The following CMIP variants were observed in gnomAD, a reference collection of about 807,000 sequenced individuals.
CMIP encodes the protein C-Maf-inducing protein.
CMIP carries 13 observed loss-of-function variants against 97.3 expected under a neutral mutation model. That is an observed-to-expected ratio of 0.13 (90% CI 0.09 to 0.21). CMIP has a LOEUF of 0.21. CMIP is among the 10% of genes least tolerant of loss of function. CMIP has a pLI of 1.00. For synonymous variants in CMIP, 538 were observed against 436.3 expected (o/e 1.23, Z -2.91); for missense variants, 847 against 1,024.9 (o/e 0.83, Z 2.37).
At chr16:81,498,144 G>T (rs773770801) in intron 1 of CMIP, among the ~76,000 whole-genome samples, 17 of 152,234 alleles carry the variant, frequency 1.1e-4, no homozygotes, top group Non-Finnish European at 1.8e-4. Flanking sequence ...CTAGCAGTGG[G>T]CCTCTGGGCA....
intron 1 of CMIP, among the ~76,000 whole-genome samples, chr16:81,528,506 A>G (rs928365466): frequency 6.6e-6 from 1 of 152,180 alleles, no homozygotes; most frequent in Non-Finnish European, 1.5e-5. Flanking sequence ...GCCTGGTAGA[A>G]GTTCTTACAC....
intron 3 of CMIP, among the ~76,000 whole-genome samples, chr16:81,640,092 G>T (rs1244705828): frequency 6.6e-6 from 1 of 152,298 alleles, no homozygotes; most frequent in South Asian, 2.1e-4. Flanking sequence ...TCTCCTGGAA[G>T]TTCCTCCTGT....
chr16:81,563,391 G>A (rs997533413), intron 1 of CMIP, among the ~76,000 whole-genome samples: 2 of 152,158 alleles, frequency 1.3e-5, no homozygotes, highest in African/African-American at 2.4e-5. Context: ...GCGCTGCTGC[G>A]GTTTCCTTCC....
chr16:81,673,997 G>A (rs1016468258), intron 9 of CMIP, among the ~76,000 whole-genome samples: 2 of 152,214 alleles, frequency 1.3e-5, no homozygotes, highest in Admixed American at 1.3e-4. Flanking sequence ...TCAAACAAAT[G>A]CCGTACTGCT....
intron 6 of CMIP, among the ~76,000 whole-genome samples, chr16:81,664,068 A>G (rs184689016): frequency 1.1e-4 from 17 of 152,158 alleles, no homozygotes; most frequent in African/African-American, 3.6e-4. Flanking sequence ...AAAGGTCTCT[A>G]CCTTCCTCTC....
chr16:81,584,076 G>A (rs1439881900), intron 1 of CMIP, among the ~76,000 whole-genome samples: 1 of 152,132 alleles, frequency 6.6e-6, no homozygotes, highest in Non-Finnish European at 1.5e-5. Flanking sequence ...TAGATTCAAG[G>A]GCTGGGAGCG....
In CMIP at chr16:81,702,626, G is replaced by T; in HGVS notation, c.1901G>T (p.Arg634Met). 1 of 1,613,530 alleles carries T rather than the reference G, an allele frequency of 6.2e-7. No homozygotes were observed. Among genetic ancestry groups the T allele is most frequent in the Non-Finnish European group, 8.5e-7 (1 of 1,179,702 alleles). Reference protein sequence around the residue: ...DRQRELKELQRKGGPTRLTLP... With the variant: ...DRQRELKELQMKGGPTRLTLP... ...CCAGCCTGGTTTCTGTTGCAGCAAA[G>T]GAAAGGCGGGCCCACCAGGCTAACA... The change falls in exon 17 of 21, where the codon AGG becomes ATG. Residue 634 changes from arginine (R) to methionine (M), a missense_variant. Arg to Met is a moderately conservative substitution (Grantham distance 91, BLOSUM62 -1). This residue lies in a region of CMIP where 266 missense variants were observed against 384.2 expected (regional missense o/e 0.69). Coordinates refer to ENST00000537098, the MANE Select transcript of CMIP (RefSeq NM_198390.3).
At chr16:81,653,286 C>T (rs973079842) in intron 4 of CMIP, among the ~76,000 whole-genome samples, 1 of 152,202 alleles carries the variant, frequency 6.6e-6, no homozygotes, top group Non-Finnish European at 1.5e-5. Context: ...CATGCAAGTG[C>T]CTGGCTGCCT....
chr16:81,649,455 G>T (rs1330930211), intron 3 of CMIP, among the ~76,000 whole-genome samples: 1 of 152,260 alleles, frequency 6.6e-6, no homozygotes, highest in South Asian at 2.1e-4. Flanking sequence ...GCATCTGTGT[G>T]TGGAGAACAG....
At position 81,660,261 on chromosome 16, in the gene CMIP, ATTTCTTT is replaced by A. The variant is rs535887178; in HGVS notation, c.682-605_682-599del. On this transcript the variant is annotated intron_variant, in intron 5 of 20. Coordinates refer to ENST00000537098, the MANE Select transcript of CMIP (RefSeq NM_198390.3). ...TTACTTAAAATCTCATTTTGCAAGT[ATTTCTTT>A]TTTCTTTTTTCTTTTTTTTTTTTAA... Among the ~76,000 whole-genome samples the A allele has an allele frequency of 2.9e-4, 44 of 151,834 alleles. No homozygotes were observed. In the East Asian group the frequency reaches 3.3e-3, roughly 11 times the overall value.
chr16:81,698,155 A>C (rs997883134), intron 14 of CMIP: 1 of 152,168 alleles, frequency 6.6e-6, no homozygotes, highest in African/African-American at 2.4e-5. Context: ...CGCTGGATGG[A>C]AGTGTGTTGT....
rs1222500943 is a variant in CMIP at position 81,614,917 on chromosome 16, G to A, written c.427-5959G>A. ...TGTGTCCTGTGTCTATATGTGGTGT[G>A]CATAGTGTGTATCTCTGTGTGTGGT... On this transcript the variant is annotated intron_variant, in intron 2 of 20. Transcript: ENST00000537098. The surrounding 1 kb of genome is among the most constrained non-coding windows in gnomAD (Gnocchi z 5.3). Among the ~76,000 whole-genome samples the A allele has an allele frequency of 6.6e-6, 1 of 151,120 alleles. No homozygotes were observed. Among genetic ancestry groups the A allele is most frequent in the East Asian group, 2.0e-4 (1 of 5,128 alleles).
intron 1 of CMIP, among the ~76,000 whole-genome samples, chr16:81,589,275 T>C (rs1463815587): frequency 6.6e-6 from 1 of 152,030 alleles, no homozygotes; most frequent in African/African-American, 2.4e-5. Context: ...TTTTCTGTTT[T>C]TAGTAGAGAC....
At chr16:81,555,462 C>A (rs1255698085) in intron 1 of CMIP, among the ~76,000 whole-genome samples, 2 of 152,164 alleles carry the variant, frequency 1.3e-5, no homozygotes, top group Non-Finnish European at 2.9e-5. Context: ...GCACACCTGC[C>A]CAGGTAACAC....
At chr16:81,503,084 CA>C (rs2089642318) in intron 1 of CMIP, among the ~76,000 whole-genome samples, 1 of 152,204 alleles carries the variant, frequency 6.6e-6, no homozygotes, top group Non-Finnish European at 1.5e-5. Context: ...TAGTTCAGCA[CA>C]ACCTAAATAT....
At chr16:81,540,767 G>A (rs1021242450) in intron 1 of CMIP, among the ~76,000 whole-genome samples, 3 of 148,872 alleles carry the variant, frequency 2.0e-5, no homozygotes, top group African/African-American at 7.4e-5. Flanking sequence ...TGCAGCCTCC[G>A]CCTCCCAGGT....
Position 81,445,171 on chromosome 16 carries a change from G to A in CMIP, c.-71G>A. ...GGGGGGGTGCGGGCCGCCGGATCCG[G>A]GGGCCCCGCCGCCCCAGCAGCCCAG... On this transcript the variant is annotated 5_prime_UTR_variant, in exon 1 of 21. Transcript: ENST00000537098. The A allele has an allele frequency of 9.7e-7, 1 of 1,028,816 alleles. No individual in the cohort carries two copies. The highest frequency in any genetic ancestry group is 3.3e-5 in the East Asian group (1 of 30,560). 63.7% of individuals were successfully genotyped at this position (1,028,816 alleles called of 1,614,324 possible). A position where few individuals can be genotyped will look rare whatever the true frequency, so the allele number is the denominator to read the frequency against.
At chr16:81,508,544 A>G (rs1251746263) in intron 1 of CMIP, among the ~76,000 whole-genome samples, 1 of 152,196 alleles carries the variant, frequency 6.6e-6, no homozygotes, top group Non-Finnish European at 1.5e-5. Flanking sequence ...TTACTCTTTC[A>G]AGCAATGCCA....
chr16:81,617,648 A>C (rs2091937818), intron 2 of CMIP: 1 of 152,322 alleles, frequency 6.6e-6, no homozygotes, highest in Non-Finnish European at 1.5e-5. Flanking sequence ...CACCTGGGTC[A>C]CTTTCCTCTT....
Sources: allele counts gnomAD v4.1 joint callset (sites outside exome capture counted in the v4.1 genomes callset), GRCh38; gene constraint gnomAD v4.1.1; regional missense constraint gnomAD v4.1.1; non-coding constraint Gnocchi (gnomAD v3.1); transcripts MANE v1.5; gene names NCBI Gene and HGNC (gene_info 2026-07-23, HGNC 2026-07-21).